The following DOCK4 variants were observed in gnomAD, a reference collection of about 807,000 sequenced individuals.
The protein encoded by DOCK4 is dedicator of cytokinesis protein 4.
In DOCK4, 97 loss-of-function variants were observed where a neutral mutation model predicts 268.1. The ratio of observed to expected loss-of-function variants is 0.36; its 90% CI spans 0.31 to 0.43. DOCK4 has a LOEUF of 0.43. Among genes scored for constraint, DOCK4 ranks in the 20% least tolerant of loss-of-function variants. The pLI, the probability that DOCK4 is intolerant of heterozygous loss-of-function variation, is 1.00. For missense variants in DOCK4, 2,145 were observed against 2,455.7 expected, an observed-to-expected ratio of 0.87 and a Z score of 2.67; for synonymous variants, 954 against 887.2, an observed-to-expected ratio of 1.08 and a Z score of -1.34.
intron 21 of DOCK4, among the ~76,000 whole-genome samples, chr7:111,869,281 ACT>A (rs773429736): frequency 3.3e-5 from 5 of 151,994 alleles, no homozygotes; most frequent in Non-Finnish European, 5.9e-5. Flanking sequence ...CCCCATATAG[ACT>A]TCTCTCATAA....
At chr7:111,741,872 T>C in intron 45 of DOCK4, 141 bp downstream of exon 45, 2 of 1,315,630 alleles carry the variant, frequency 1.5e-6, no homozygotes, top group Non-Finnish European at 2.0e-6. Context: ...GACAAGGCAA[T>C]TGTATTTGAG....
intron 26 of DOCK4, among the ~76,000 whole-genome samples, chr7:111,826,084 CT>C (rs1454488282): frequency 1.3e-5 from 2 of 152,166 alleles, no homozygotes; most frequent in East Asian, 3.8e-4. Context: ...GTGCTCTTTG[CT>C]TTCGTGGAGT....
chr7:111,851,295 T>A (rs948114459), intron 23 of DOCK4, among the ~76,000 whole-genome samples: 1 of 151,838 alleles, frequency 6.6e-6, no homozygotes, highest in Non-Finnish European at 1.5e-5. Context: ...ATACAAAAAA[T>A]TAGCTGGGCG....
intron 12 of DOCK4, among the ~76,000 whole-genome samples, chr7:111,934,326 T>C (rs1369551750): frequency 6.6e-6 from 1 of 152,180 alleles, no homozygotes; most frequent in African/African-American, 2.4e-5. Flanking sequence ...TACAATACTA[T>C]GTACCTCATA....
At chr7:112,139,101 AATTGGTAC>A (rs1814644993) in intron 1 of DOCK4, among the ~76,000 whole-genome samples, 1 of 152,154 alleles carries the variant, frequency 6.6e-6, no homozygotes. Flanking sequence ...CTAAGGCAGT[AATTGGTAC>A]CAAGAGTCAG....
At chr7:111,971,030 G>T (rs1797667713) in intron 8 of DOCK4, among the ~76,000 whole-genome samples, 1 of 152,166 alleles carries the variant, frequency 6.6e-6, no homozygotes, top group Admixed American at 6.5e-5. Context: ...GATACTACAT[G>T]CTTCATAATT....
intron 1 of DOCK4, among the ~76,000 whole-genome samples, chr7:112,067,903 G>C (rs533264092): frequency 1.1e-4 from 17 of 152,254 alleles, no homozygotes; most frequent in African/African-American, 4.1e-4. Flanking sequence ...TAGCATTTTT[G>C]GTGAAAGATA....
chr7:111,920,198 A>G (rs1299078388), intron 12 of DOCK4, among the ~76,000 whole-genome samples: 1 of 152,156 alleles, frequency 6.6e-6, no homozygotes, highest in Non-Finnish European at 1.5e-5. Context: ...GTTGGACAAG[A>G]TGAAGACGTT....
At chr7:112,034,616 T>G (rs547757546) in intron 1 of DOCK4, among the ~76,000 whole-genome samples, 6 of 152,122 alleles carry the variant, frequency 3.9e-5, no homozygotes, top group Non-Finnish European at 7.4e-5. Flanking sequence ...TTCAAAAAAT[T>G]TTGGCCAGAT....
At chr7:112,015,322 T>C (rs1267616344) in intron 1 of DOCK4, among the ~76,000 whole-genome samples, 1 of 152,252 alleles carries the variant, frequency 6.6e-6, no homozygotes, top group African/African-American at 2.4e-5. Context: ...CCCTCAGTTC[T>C]GGGAATTGCC....
chr7:111,919,401 A>T (rs149780529), intron 12 of DOCK4, among the ~76,000 whole-genome samples: 11 of 152,286 alleles, frequency 7.2e-5, no homozygotes, highest in African/African-American at 2.6e-4. Flanking sequence ...GAGACAGTCG[A>T]CAGAGAGGAG....
chr7:112,095,168 AT>A (rs1810001698), intron 1 of DOCK4, among the ~76,000 whole-genome samples: 2 of 152,192 alleles, frequency 1.3e-5, no homozygotes, highest in African/African-American at 4.8e-5. Context: ...TAGGGCTGAC[AT>A]TTGGCTTCTT....
At chr7:112,090,300 AT>A (rs1325323415) in intron 1 of DOCK4, among the ~76,000 whole-genome samples, 4 of 152,162 alleles carry the variant, frequency 2.6e-5, no homozygotes, top group African/African-American at 2.4e-5. Context: ...ATATTTTGAG[AT>A]TGGGGGGAAG....
intron 1 of DOCK4, among the ~76,000 whole-genome samples, chr7:112,056,407 A>G (rs1408866673): frequency 6.6e-6 from 1 of 152,180 alleles, no homozygotes; most frequent in African/African-American, 2.4e-5. Flanking sequence ...TTAAGTATAT[A>G]ATAATATATA....
chr7:112,156,578 T>A (rs1377017619), intron 1 of DOCK4, among the ~76,000 whole-genome samples: 1 of 152,250 alleles, frequency 6.6e-6, no homozygotes, highest in Admixed American at 6.5e-5. Context: ...CTACTTTCTA[T>A]GATGTAGTAT....
chr7:112,127,441 A>G (rs1244381666), intron 1 of DOCK4, among the ~76,000 whole-genome samples: 2 of 147,504 alleles, frequency 1.4e-5, no homozygotes, highest in Non-Finnish European at 3.0e-5. Context: ...GGATAGCATT[A>G]GGAGATATAC....
In DOCK4 at chr7:111,977,217, T is replaced by C; in HGVS notation, c.616A>G (p.Met206Val). The change falls in exon 8 of 53, where the codon ATG becomes GTG. Residue 206 changes from methionine (M) to valine (V), a missense_variant. This residue lies in a region of DOCK4 where 1,598 missense variants were observed against 1,986.7 expected (regional missense o/e 0.80). Transcript: ENST00000428084. ...QASSHHLFVQ[M>V]KSLMCSNLGE... ...AGGTTGGAACACATGAGGCTCTTCA[T>C]CTGGACAAAGAGGTGGTGACTGCTG... The C allele has an allele frequency of 6.2e-7, 1 of 1,611,960 alleles. No individual in the cohort carries two copies. The highest frequency in any genetic ancestry group is 8.5e-7 in the Non-Finnish European group (1 of 1,179,120).
chr7:111,731,497 A>G (rs948835864), intron 52 of DOCK4, among the ~76,000 whole-genome samples: 1 of 152,116 alleles, frequency 6.6e-6, no homozygotes, highest in African/African-American at 2.4e-5. Context: ...CTGAACACCA[A>G]TCTCTCACGT....
At chr7:112,170,133 A>G (rs1407546798) in intron 1 of DOCK4, among the ~76,000 whole-genome samples, 1 of 152,132 alleles carries the variant, frequency 6.6e-6, no homozygotes, top group African/African-American at 2.4e-5. Flanking sequence ...GAAGAGAGAA[A>G]AAAATAAAAG....
Sources: allele counts gnomAD v4.1 joint callset (sites outside exome capture counted in the v4.1 genomes callset), GRCh38; gene constraint gnomAD v4.1.1; regional missense constraint gnomAD v4.1.1; transcripts MANE v1.5; gene names NCBI Gene and HGNC (gene_info 2026-07-23, HGNC 2026-07-21).